PLEC: variants seen among roughly 807,000 people sequenced by gnomAD.
PLEC encodes hemidesmosomal protein 1.
Under a neutral mutation model 392.8 loss-of-function variants are expected in PLEC, and 216 were observed. The ratio of observed to expected loss-of-function variants is 0.55; its 90% CI spans 0.49 to 0.62. PLEC has a LOEUF of 0.62. PLEC is among the 20% of genes least tolerant of loss of function. The probability of loss-of-function intolerance (pLI) is 0.00; values close to 1 mark genes in which losing one functional copy is unlikely to be tolerated. For missense variants in PLEC, 6,863 were observed against 6,563.4 expected, an observed-to-expected ratio of 1.05 and a Z score of -1.58; for synonymous variants, 3,621 against 2,980.6, an observed-to-expected ratio of 1.21 and a Z score of -7.00.
In PLEC at chr8:143,935,901, G is replaced by A; in HGVS notation, c.549C>T (p.Phe183=). 4 of 1,612,976 alleles carry A rather than the reference G, an allele frequency of 2.5e-6. No individual in the cohort carries two copies. Among genetic ancestry groups the A allele is most frequent in the East Asian group, 2.2e-5 (1 of 44,890 alleles). Residue 183 remains phenylalanine, a synonymous_variant, in exon 6 of 32, where the codon TTC becomes TTT. Transcript: ENST00000345136. ...GGCGGCCGTCTCTCCAGCTGGAGGT[G>A]AAGTTGTCGCATCGCAGGCCCTGGT... ...EGYQGLRCDN[F]TSSWRDGRLF... is the part of the protein sequence containing the mutation.
In PLEC at chr8:143,933,275, C is replaced by T; in HGVS notation, c.1340G>A (p.Ser447Asn). The T allele has an allele frequency of 6.2e-7, 1 of 1,613,226 alleles. No individual in the cohort carries two copies. Among genetic ancestry groups the T allele is most frequent in the Non-Finnish European group, 8.5e-7 (1 of 1,179,966 alleles). ...GTCGTTGAAGAGCAGCCGGATCATG[C>T]TATCCGCCTTGTCCAAGTCCCGTTC... The part of the protein sequence containing the change: ...EVERDLDKAD[S>N]MIRLLFNDVQ... Residue 447 changes from serine (S) to asparagine (N), a missense_variant, in exon 13 of 32, where the codon AGC (serine) becomes AAC (asparagine). By Grantham distance (46) the Ser-to-Asn change is conservative. Coordinates refer to ENST00000345136, the MANE Select transcript of PLEC (RefSeq NM_201384.3).
chr8:143,943,939 G>GCCCTTC, upstream of PLEC: 1 of 1,589,028 alleles, frequency 6.3e-7, no homozygotes, highest in Non-Finnish European at 8.5e-7. Context: ...CTGGGAACCG[G>GCCCTTC]CTGCTCCAGG....
In PLEC at chr8:143,930,204, ACGGCGGCCT is replaced by A; in HGVS notation, c.2543_2551del (p.Glu848_Ala850del). 1 of 1,580,298 alleles carries A rather than the reference ACGGCGGCCT, an allele frequency of 6.3e-7. No homozygotes were observed. Among genetic ancestry groups the A allele is most frequent in the Non-Finnish European group, 8.6e-7 (1 of 1,169,310 alleles). Reference sequence around the variant, plus strand: ...GGGCACCAGGAAGCACACGGAGGGCACGGCGGCCTCGCTGCCGGAGCTGCTGAGCACCTT... The same window carrying A: ...GGGCACCAGGAAGCACACGGAGGGCACGCTGCCGGAGCTGCTGAGCACCTT... On this transcript the variant is annotated inframe_deletion, in exon 21 of 32. Coordinates refer to ENST00000345136, the MANE Select transcript of PLEC (RefSeq NM_201384.3).
intron 12 of PLEC, among the ~76,000 whole-genome samples, chr8:143,933,797 T>C (rs1828111009): frequency 6.6e-6 from 1 of 152,142 alleles, no homozygotes; most frequent in Non-Finnish European, 1.5e-5. Flanking sequence ...AAACCAACTC[T>C]GCCCAAAGCA....
At chr8:143,954,703 C>G (rs1554738697), upstream of PLEC, among the ~76,000 whole-genome samples, 1 of 152,200 alleles carries the variant, frequency 6.6e-6, no homozygotes, top group Non-Finnish European at 1.5e-5. The surrounding 1 kb of genome is among the most constrained non-coding windows in gnomAD (Gnocchi z 4.6). Flanking sequence ...GAGGTCAGCT[C>G]TGCCTCACTC....
In PLEC at chr8:143,925,263, C is replaced by T. The variant is rs190255667; in HGVS notation, c.4666G>A (p.Glu1556Lys). ...EEAERRLRQA[E>K]VERARQVQVA... ...TGTACCTGCCGCGCTCGCTCCACCT[C>T]GGCCTGCCGCAGGCGCCGCTCCGCC... is the stretch of plus-strand genomic sequence containing the variant. Residue 1556 changes from glutamate to lysine, a missense_variant, in exon 31 of 32, where the codon GAG (glutamate) becomes AAG (lysine). Physicochemically the swap from Glu to Lys is moderately conservative, Grantham distance 56. Coordinates refer to ENST00000345136, the MANE Select transcript of PLEC (RefSeq NM_201384.3). The T allele has an allele frequency of 1.3e-5, 21 of 1,580,944 alleles. No individual in the cohort carries two copies. Among genetic ancestry groups the T allele is most frequent in the South Asian group, 3.4e-5 (3 of 89,036 alleles).
At chr8:143,929,870 C>A (rs782353010) in intron 22 of PLEC, 41 bp from the exon 23 acceptor site, 2 of 1,600,936 alleles carry the variant, frequency 1.2e-6, no homozygotes, top group Admixed American at 1.7e-5. Flanking sequence ...GCGAGGCGGC[C>A]GTGCCCTGCA....
At chr8:143,949,836 G>C (rs1321831816) in intron 1 of PLEC, among the ~76,000 whole-genome samples, 2 of 152,140 alleles carry the variant, frequency 1.3e-5, no homozygotes, top group Non-Finnish European at 2.9e-5. Flanking sequence ...CCTCAGTGCC[G>C]AGGAGCCTCG....
At chr8:143,934,766 C>T (rs1256698105) in intron 9 of PLEC, 36 bp from the exon 10 acceptor site, 3 of 1,611,906 alleles carry the variant, frequency 1.9e-6, no homozygotes, top group Non-Finnish European at 2.5e-6. Context: ...CCACGCCGGG[C>T]TCTCAGGGCA....
chr8:143,935,256 G>A lies in PLEC; in HGVS notation c.660C>T (p.Asp220=). ...VYRQTNLENL[D]QAFSVAERDL... Reference sequence around the variant, plus strand: ...CCCGCTCCGCCACAGAGAAGGCCTGGTCCAGGTTCTCCAGGTTGGTCTGCC... The same window carrying A: ...CCCGCTCCGCCACAGAGAAGGCCTGATCCAGGTTCTCCAGGTTGGTCTGCC... The change falls in exon 7 of 32, where the codon GAC becomes GAT. Residue 220 remains aspartate, a synonymous_variant. Coordinates refer to ENST00000345136, the MANE Select transcript of PLEC (RefSeq NM_201384.3). The A allele has an allele frequency of 6.2e-7, 1 of 1,612,042 alleles. No homozygotes were observed. Among genetic ancestry groups the A allele is most frequent in the Non-Finnish European group, 8.5e-7 (1 of 1,179,950 alleles).
At position 143,923,095 on chromosome 8, in the gene PLEC, C is replaced by T. The variant is rs79272048; in HGVS notation, c.6834G>A (p.Glu2278=). 1 of 1,606,674 alleles carries T rather than the reference C, an allele frequency of 6.2e-7. No homozygotes were observed. Among genetic ancestry groups the T allele is most frequent in the East Asian group, 2.2e-5 (1 of 44,850 alleles). ...CCGCCACACTCAGCCGCGCGGCCTC[C>T]TCCGCCACCTGCTTCATCTTCTCAG... ...EEAEKMKQVA[E]EAARLSVAAQ... Residue 2278 remains glutamate (E), a synonymous_variant, in exon 31 of 32, where the codon GAG becomes GAA. Transcript: ENST00000345136.
intron 3 of PLEC, 21 bp downstream of exon 3, chr8:143,938,130 A>G: frequency 6.3e-7 from 1 of 1,574,884 alleles, no homozygotes; most frequent in Non-Finnish European, 8.6e-7. Context: ...CGGGGCCCGG[A>G]GGGGGCAGGG....
chr8:143,916,440 G>A lies in PLEC; in HGVS notation c.13381C>T (p.Leu4461=), dbSNP rs1288354418. ...TGCGCGGCAGCCTCCAGCAGCCGCA[G>A]CCCCGTGCCCTCCTCCACCATGCTG... ...DRSMVEEGTG[L]RLLEAAAQST... The change falls in exon 32 of 32, where the codon CTG becomes TTG. Residue 4461 remains leucine (L), a synonymous_variant. Transcript: ENST00000345136. 6.2e-7 allele frequency: 1 copy of A among 1,611,688 alleles called. No homozygotes were observed. The highest frequency in any genetic ancestry group is 8.5e-7 in the Non-Finnish European group (1 of 1,179,492).
rs369729231 is a variant in PLEC at position 143,922,229 on chromosome 8, C to T, written c.7592G>A (p.Arg2531His). ...CTGCTGCTGCCGCTGCTGCTCCTCACGCAGCTGCTGTGCCTTGGCCACCTC... is the reference window on the plus strand; with the variant it reads ...CTGCTGCTGCCGCTGCTGCTCCTCATGCAGCTGCTGTGCCTTGGCCACCTC... Reference protein sequence around the residue: ...QDEVAKAQQLREEQQRQQQQM... With the variant: ...QDEVAKAQQLHEEQQRQQQQM... The change falls in exon 32 of 32, where the codon CGT becomes CAT. Residue 2531 changes from arginine to histidine, a missense_variant. By Grantham distance (29) the Arg-to-His change is conservative. Coordinates refer to ENST00000345136, the MANE Select transcript of PLEC (RefSeq NM_201384.3). 63 of 1,576,238 alleles carry T rather than the reference C, an allele frequency of 4.0e-5. No individual in the cohort carries two copies. The highest frequency in any genetic ancestry group is 5.0e-5 in the Non-Finnish European group (58 of 1,164,046).
rs1255621229 is a variant in PLEC, at chr8:143,915,452, G to C, written c.*725C>G. The stretch of plus-strand genomic sequence containing the variant: ...CCCCAGTGTGGGGCTCCACAAGCTG[G>C]AGGGGCCCCTGGACCCACCAGGAGG... On this transcript the variant is annotated 3_prime_UTR_variant, in exon 32 of 32. Transcript: ENST00000345136. 2 of 152,374 alleles carry C rather than the reference G, an allele frequency of 1.3e-5. No individual in the cohort carries two copies. Among genetic ancestry groups the C allele is most frequent in the Non-Finnish European group, 1.5e-5 (1 of 68,132 alleles). The allele number at this position is 152,374 out of a possible 1,614,324, so 9.4% of individuals were successfully genotyped here.
At chr8:143,951,431 G>A (rs1480497640), upstream of PLEC, among the ~76,000 whole-genome samples, 1 of 152,124 alleles carries the variant, frequency 6.6e-6, no homozygotes, top group Non-Finnish European at 1.5e-5. Context: ...CATGAGGAGG[G>A]CTGCAGGCAC....
intron 10 of PLEC, 24 bp from the exon 11 acceptor site, chr8:143,934,469 G>T (rs540561790): frequency 1.3e-5 from 21 of 1,609,578 alleles, no homozygotes; most frequent in Non-Finnish European, 1.7e-5. Context: ...CCACACTCAG[G>T]CCCTATAGGC....
chr8:143,952,507 C>G (rs145526325), upstream of PLEC, among the ~76,000 whole-genome samples: 789 of 152,296 alleles, frequency 5.2e-3, 6 homozygotes, highest in South Asian at 0.017. Context: ...CAAGCCTGCC[C>G]AGCCCTGTGC....
intron 8 of PLEC, 26 bp from the exon 9 acceptor site, chr8:143,934,955 A>G (rs918394056): frequency 1.2e-6 from 2 of 1,610,360 alleles, no homozygotes; most frequent in South Asian, 2.2e-5. Flanking sequence ...GGCGGCTGTC[A>G]GGGGTCGTCG....
Sources: gnomAD v4.1 joint callset for allele counts (sites outside exome capture counted in the v4.1 genomes callset) on GRCh38, gnomAD v4.1.1 for gene constraint, Gnocchi (gnomAD v3.1) non-coding constraint, MANE v1.5 for transcripts, NCBI Gene and HGNC (gene_info 2026-07-23, HGNC 2026-07-21) for gene names.